Variants in QTMAN observed in about 807,000 individuals in gnomAD.
QTMAN encodes the protein tRNA-queuosine alpha-mannosyltransferase.
the QTMAN span, among the ~76,000 whole-genome samples, chr2:144,168,220 T>C: frequency 6.6e-6 from 1 of 152,180 alleles, no homozygotes; most frequent in Admixed American, 6.6e-5. Flanking sequence ...ACTTATTTCA[T>C]CATCTAAACT....
the QTMAN span, chr2:144,006,022 G>C: frequency 3.3e-5 from 5 of 152,124 alleles, no homozygotes; most frequent in South Asian, 1.0e-3. Context: ...ATTTTACCTT[G>C]AAACAGGTTA....
chr2:144,078,051 A>G, the QTMAN span, among the ~76,000 whole-genome samples: 1 of 152,168 alleles, frequency 6.6e-6, no homozygotes, highest in Non-Finnish European at 1.5e-5. Context: ...ACAATTTGGC[A>G]CTTTAAATTT....
the QTMAN span, among the ~76,000 whole-genome samples, chr2:144,061,842 A>G: frequency 6.6e-6 from 1 of 152,074 alleles, no homozygotes; most frequent in South Asian, 2.1e-4. Flanking sequence ...CAGAGCAGAG[A>G]AGGAGGGAAG....
At chr2:144,151,084 C>T in the QTMAN span, among the ~76,000 whole-genome samples, 1 of 151,972 alleles carries the variant, frequency 6.6e-6, no homozygotes, top group African/African-American at 2.4e-5. Flanking sequence ...GTGGTAAGAA[C>T]AATAGGAAGA....
At chr2:144,085,229 G>A in the QTMAN span, among the ~76,000 whole-genome samples, 1 of 152,328 alleles carries the variant, frequency 6.6e-6, no homozygotes, top group African/African-American at 2.4e-5. Context: ...TCAATAAAAT[G>A]TTATTTACAA....
At chr2:144,026,244 G>A in the QTMAN span, among the ~76,000 whole-genome samples, 1 of 151,966 alleles carries the variant, frequency 6.6e-6, no homozygotes, top group Non-Finnish European at 1.5e-5. Context: ...GACCAGCCTG[G>A]CCAACATGGT....
At chr2:144,197,079 CTA>C in the QTMAN span, among the ~76,000 whole-genome samples, 1 of 152,132 alleles carries the variant, frequency 6.6e-6, no homozygotes, top group African/African-American at 2.4e-5. Flanking sequence ...CACCCCCATG[CTA>C]TATTTGCATA....
chr2:143,967,494 C>A, the QTMAN span, among the ~76,000 whole-genome samples: 8 of 152,180 alleles, frequency 5.3e-5, no homozygotes, highest in South Asian at 4.2e-4. Flanking sequence ...CCATGCCTGG[C>A]TAATTTTTGT....
the QTMAN span, among the ~76,000 whole-genome samples, chr2:144,123,838 T>C: frequency 6.0e-4 from 91 of 152,200 alleles, no homozygotes; most frequent in Non-Finnish European, 1.0e-3. Context: ...TTTACACCCA[T>C]TGATACCAGT....
At chr2:144,244,617 C>T in the QTMAN span, among the ~76,000 whole-genome samples, 1 of 152,094 alleles carries the variant, frequency 6.6e-6, no homozygotes, top group African/African-American at 2.4e-5. Flanking sequence ...TTAGTAAGTA[C>T]AGAAAGTTTT....
chr2:144,136,388 GA>G, the QTMAN span, among the ~76,000 whole-genome samples: 6 of 91,190 alleles, frequency 6.6e-5, no homozygotes, highest in African/African-American at 3.2e-4. Context: ...AAAGGAAAAG[GA>G]AAAGGAAAAG....
the QTMAN span, among the ~76,000 whole-genome samples, chr2:144,285,542 C>T: frequency 5.3e-5 from 8 of 152,172 alleles, no homozygotes; most frequent in Non-Finnish European, 1.0e-4. Flanking sequence ...AGAACTGTGA[C>T]TTGAACTCTG....
the QTMAN span, among the ~76,000 whole-genome samples, chr2:144,190,600 T>G: frequency 6.6e-6 from 1 of 152,318 alleles, no homozygotes; most frequent in African/African-American, 2.4e-5. Context: ...AAAAGGGGAC[T>G]TTATCTTAGC....
chr2:143,947,002 G>A, the QTMAN span: 11 of 1,312,734 alleles, frequency 8.4e-6, no homozygotes, highest in Non-Finnish European at 1.2e-5. Flanking sequence ...ACTCTGGAAA[G>A]TTCTTCAGAT....
the QTMAN span, among the ~76,000 whole-genome samples, chr2:144,026,708 T>C: frequency 6.6e-6 from 1 of 152,152 alleles, no homozygotes; most frequent in Non-Finnish European, 1.5e-5. Flanking sequence ...AAAGGGGGAT[T>C]AATACCATTA....
chr2:144,041,763 G>A, the QTMAN span, among the ~76,000 whole-genome samples: 1 of 152,160 alleles, frequency 6.6e-6, no homozygotes, highest in African/African-American at 2.4e-5. Flanking sequence ...TGTAGGAGAG[G>A]AACAGGAGCC....
the QTMAN span, among the ~76,000 whole-genome samples, chr2:144,100,996 A>C: frequency 6.8e-6 from 1 of 146,708 alleles, no homozygotes; most frequent in African/African-American, 2.5e-5. Flanking sequence ...CAGCCTCCCC[A>C]GTAGCTGGGA....
the QTMAN span, among the ~76,000 whole-genome samples, chr2:144,060,857 T>C: frequency 6.6e-6 from 1 of 152,364 alleles, no homozygotes; most frequent in South Asian, 2.1e-4. Context: ...GCCCTCCAAA[T>C]GTTTATAAAC....
the QTMAN span, among the ~76,000 whole-genome samples, chr2:144,229,541 A>C: frequency 6.6e-6 from 1 of 152,186 alleles, no homozygotes; most frequent in Non-Finnish European, 1.5e-5. Context: ...GCTCTTCTCA[A>C]ACAGTGGCTT....
Sources: allele counts gnomAD v4.1 joint callset (sites outside exome capture counted in the v4.1 genomes callset), GRCh38; gene constraint gnomAD v4.1.1; transcripts MANE v1.5; gene names NCBI Gene and HGNC (gene_info 2026-07-23, HGNC 2026-07-21).